Variants in GALNT18 observed in about 807,000 individuals in gnomAD.
The protein encoded by GALNT18 is GalNAc-transferase 18.
Under a neutral mutation model 69.5 loss-of-function variants are expected in GALNT18, and 44 were observed. The ratio of observed to expected loss-of-function variants is 0.63; its 90% CI spans 0.50 to 0.81. The LOEUF (loss-of-function observed/expected upper bound fraction) is 0.81. Among genes scored for constraint, GALNT18 ranks in the 40% least tolerant of loss-of-function variants. The pLI, the probability that GALNT18 is intolerant of heterozygous loss-of-function variation, is 0.00. For missense variants in GALNT18, 715 were observed against 810.0 expected (o/e 0.88, Z 1.42); for synonymous variants, 364 against 318.2 (o/e 1.14, Z -1.53).
rs1377005028 is a variant in GALNT18 at position 11,590,389 on chromosome 11, A to G, written c.235+30970T>C. On this transcript the variant is annotated intron_variant, in intron 1 of 10. Coordinates refer to ENST00000227756, the MANE Select transcript of GALNT18 (RefSeq NM_198516.3). The surrounding 1 kb of genome is among the most constrained non-coding windows in gnomAD (Gnocchi z 4.4). The stretch of plus-strand genomic sequence containing the variant: ...CTGCAGGCCCACAAGGAACTTCCAC[A>G]TTGCTTGTTGGGTAAGTGAGGGATA... Among the ~76,000 whole-genome samples, 1 of 152,212 alleles carries G rather than the reference A, an allele frequency of 6.6e-6. No individual in the cohort carries two copies. The highest frequency in any genetic ancestry group is 1.5e-5 in the Non-Finnish European group (1 of 68,022).
At position 11,497,372 on chromosome 11, in the gene GALNT18, C is replaced by CACACACACA; in HGVS notation, c.236-48437_236-48436insTGTGTGTGT. Among the ~76,000 whole-genome samples the CACACACACA allele has an allele frequency of 1.6e-5, 1 of 61,546 alleles. No individual in the cohort carries two copies. Among genetic ancestry groups the CACACACACA allele is most frequent in the African/African-American group, 6.7e-5 (1 of 14,990 alleles). 40.4% of individuals were successfully genotyped at this position (61,546 alleles called of 152,430 possible). ...CACACACACACACACACACACACAC[C>CACACACACA]CCTTAGAATGGGGCTCCTTAAGAGC... is the stretch of plus-strand genomic sequence containing the variant. On this transcript the variant is annotated intron_variant, in intron 1 of 10. Coordinates refer to ENST00000227756, the MANE Select transcript of GALNT18 (RefSeq NM_198516.3). This position sits in a 1 kb window ranked among gnomAD's most constrained non-coding sequence, Gnocchi z 4.2.
chr11:11,350,565 C>T (rs1850382263), intron 6 of GALNT18, among the ~76,000 whole-genome samples: 1 of 152,148 alleles, frequency 6.6e-6, no homozygotes, highest in Admixed American at 6.5e-5. Context: ...GAGTGGTCTC[C>T]AAAGGTGTGG....
At chr11:11,376,134 G>C (rs932428537) in intron 5 of GALNT18, among the ~76,000 whole-genome samples, 5 of 152,132 alleles carry the variant, frequency 3.3e-5, no homozygotes, top group Non-Finnish European at 7.3e-5. Context: ...TGTAATCCCA[G>C]CACTTTGGGA....
rs181300088 is a variant in GALNT18, at chr11:11,605,003, T to C, written c.235+16356A>G. On this transcript the variant is annotated intron_variant, in intron 1 of 10. Transcript: ENST00000227756. The surrounding 1 kb of genome is among the most constrained non-coding windows in gnomAD (Gnocchi z 4.7). The stretch of plus-strand genomic sequence containing the variant: ...AATGACATTTTCAATTTTTCCCCTA[T>C]GTCTACTATGCCCTCTTCCACGCTA... Among the ~76,000 whole-genome samples the C allele has an allele frequency of 6.6e-6, 1 of 152,218 alleles. No homozygotes were observed. Among genetic ancestry groups the C allele is most frequent in the Non-Finnish European group, 1.5e-5 (1 of 68,042 alleles).
chr11:11,284,478 C>T (rs1159534996), intron 10 of GALNT18, among the ~76,000 whole-genome samples: 1 of 152,174 alleles, frequency 6.6e-6, no homozygotes, highest in Non-Finnish European at 1.5e-5. Flanking sequence ...AGACCACAAG[C>T]TATGACCCCC....
chr11:11,380,707 A>C (rs1853891487), intron 3 of GALNT18, among the ~76,000 whole-genome samples: 1 of 152,240 alleles, frequency 6.6e-6, no homozygotes, highest in Non-Finnish European at 1.5e-5. Flanking sequence ...GTGTGTGCAC[A>C]CATGGGTGCC....
In GALNT18 at chr11:11,587,888, G is replaced by C. The variant is rs1213052028; in HGVS notation, c.235+33471C>G. Reference sequence around the variant, plus strand: ...ATAGAAATCCGAAAGGAAAGAGAGAGGCAGGGGGAGAAAGGAAGCCTTTCT... The same window carrying C: ...ATAGAAATCCGAAAGGAAAGAGAGACGCAGGGGGAGAAAGGAAGCCTTTCT... On this transcript the variant is annotated intron_variant, in intron 1 of 10. Coordinates refer to ENST00000227756, the MANE Select transcript of GALNT18 (RefSeq NM_198516.3). This position sits in a 1 kb window ranked among gnomAD's most constrained non-coding sequence, Gnocchi z 4.4. Among the ~76,000 whole-genome samples the C allele has an allele frequency of 6.6e-6, 1 of 152,058 alleles. No individual in the cohort carries two copies. The highest frequency in any genetic ancestry group is 1.5e-5 in the Non-Finnish European group (1 of 68,034).
intron 1 of GALNT18, among the ~76,000 whole-genome samples, chr11:11,568,036 C>A (rs964043188): frequency 6.6e-6 from 1 of 152,196 alleles, no homozygotes; most frequent in African/African-American, 2.4e-5. Flanking sequence ...TTTTGGCCAA[C>A]AGAGTGTGAG....
At chr11:11,441,923 C>G (rs1484180353) in intron 2 of GALNT18, among the ~76,000 whole-genome samples, 1 of 152,224 alleles carries the variant, frequency 6.6e-6, no homozygotes, top group African/African-American at 2.4e-5. Flanking sequence ...TTTCTTCTTC[C>G]AGGATCCTGT....
intron 6 of GALNT18, chr11:11,352,596 T>C: frequency 6.2e-7 from 1 of 1,614,172 alleles, no homozygotes; most frequent in Middle Eastern, 1.6e-4. Flanking sequence ...CAAACCCCAG[T>C]CTATTAGTCG....
intron 1 of GALNT18, among the ~76,000 whole-genome samples, chr11:11,552,946 A>G (rs1182951632): frequency 6.6e-6 from 1 of 152,176 alleles, no homozygotes; most frequent in Non-Finnish European, 1.5e-5. Flanking sequence ...GCAGTTTGTC[A>G]GGAGCCACAG....
At position 11,619,588 on chromosome 11, in the gene GALNT18, A is replaced by G. The variant is rs186130333; in HGVS notation, c.235+1771T>C. On this transcript the variant is annotated intron_variant, in intron 1 of 10. Coordinates refer to ENST00000227756, the MANE Select transcript of GALNT18 (RefSeq NM_198516.3). The surrounding 1 kb of genome is among the most constrained non-coding windows in gnomAD (Gnocchi z 4.9). ...CCAGAAAGAAAAGCACAAGAGAATC[A>G]TTTTCCAGGAACACACACACACACA... Among the ~76,000 whole-genome samples the G allele has an allele frequency of 9.2e-4, 140 of 152,210 alleles. 1 individual carries two copies. The highest frequency in any genetic ancestry group is 4.9e-4 in the Non-Finnish European group (33 of 68,006).
At chr11:11,458,534 A>G (rs1397580014) in intron 1 of GALNT18, among the ~76,000 whole-genome samples, 1 of 152,210 alleles carries the variant, frequency 6.6e-6, no homozygotes, top group Non-Finnish European at 1.5e-5. Flanking sequence ...CTGCCCGCTG[A>G]CTTCCAATGA....
chr11:11,322,059 T>G (rs1035316361), intron 9 of GALNT18, among the ~76,000 whole-genome samples: 1 of 152,216 alleles, frequency 6.6e-6, no homozygotes, highest in Non-Finnish European at 1.5e-5. Context: ...AACACCATCC[T>G]TATAGAAATA....
intron 3 of GALNT18, among the ~76,000 whole-genome samples, chr11:11,403,784 C>T (rs1457474550): frequency 6.6e-6 from 1 of 152,208 alleles, no homozygotes; most frequent in Admixed American, 6.5e-5. Context: ...CAACTCTCCC[C>T]CTGGCCAGGT....
At chr11:11,508,031 C>A (rs1279278278) in intron 1 of GALNT18, among the ~76,000 whole-genome samples, 1 of 152,148 alleles carries the variant, frequency 6.6e-6, no homozygotes. Context: ...TACCATAATA[C>A]CATATGATAC....
At chr11:11,556,880 A>T (rs1858344802) in intron 1 of GALNT18, among the ~76,000 whole-genome samples, 1 of 152,224 alleles carries the variant, frequency 6.6e-6, no homozygotes, top group Non-Finnish European at 1.5e-5. Context: ...AGGTGTACAG[A>T]TCCTATTACT....
At chr11:11,362,081 G>A (rs1401983706) in intron 6 of GALNT18, among the ~76,000 whole-genome samples, 3 of 152,156 alleles carry the variant, frequency 2.0e-5, no homozygotes, top group Non-Finnish European at 4.4e-5. Flanking sequence ...AGTGAGGAAA[G>A]ATATTATTTT....
chr11:11,616,091 C>T lies in GALNT18; in HGVS notation c.235+5268G>A, dbSNP rs1298379931. ...GCTCAAGTGATCCTCCCACCTTGGC[C>T]TCCTAAAGTGCTGGGATTATAGGTA... On this transcript the variant is annotated intron_variant, in intron 1 of 10. Coordinates refer to ENST00000227756, the MANE Select transcript of GALNT18 (RefSeq NM_198516.3). The surrounding 1 kb of genome is among the most constrained non-coding windows in gnomAD (Gnocchi z 4.4). Among the ~76,000 whole-genome samples, 2 of 152,076 alleles carry T rather than the reference C, an allele frequency of 1.3e-5. No individual in the cohort carries two copies. Among genetic ancestry groups the T allele is most frequent in the African/African-American group, 2.4e-5 (1 of 41,382 alleles).
Sources: allele counts gnomAD v4.1 joint callset (sites outside exome capture counted in the v4.1 genomes callset), GRCh38; gene constraint gnomAD v4.1.1; non-coding constraint Gnocchi (gnomAD v3.1); transcripts MANE v1.5; gene names NCBI Gene and HGNC (gene_info 2026-07-23, HGNC 2026-07-21).